FRMPD3: variants seen among roughly 807,000 people sequenced by gnomAD.
FRMPD3 encodes the protein FERM and PDZ domain-containing protein 3.
In FRMPD3, 42 loss-of-function variants were observed where a neutral mutation model predicts 97.9. That is an observed-to-expected ratio of 0.43 (90% CI 0.34 to 0.55). The LOEUF (loss-of-function observed/expected upper bound fraction) is 0.55, where lower values mean the gene tolerates loss of function less well. Among genes scored for constraint, FRMPD3 ranks in the 20% least tolerant of loss-of-function variants. The pLI, the probability that FRMPD3 is intolerant of heterozygous loss-of-function variation, is 0.03. For synonymous variants in FRMPD3, 577 were observed against 581.1 expected (o/e 0.99, Z 0.10); for missense variants, 1,303 against 1,457.7 (o/e 0.89, Z 1.73).
At chrX:107,581,711 A>G (rs942887328) in intron 13 of FRMPD3, among the ~76,000 whole-genome samples, 3 of 111,647 alleles carry the variant, frequency 2.7e-5, no homozygotes, top group Admixed American at 9.6e-5. Context: ...CTTTCAGTCT[A>G]TAGCTTTGCC....
At chrX:107,525,324 A>G (rs1922655439) in intron 1 of FRMPD3, among the ~76,000 whole-genome samples, 1 of 110,511 alleles carries the variant, frequency 9.0e-6, no homozygotes, top group African/African-American at 3.3e-5. Context: ...TCCTCCTTTT[A>G]CCTTCTTCCC....
intron 1 of FRMPD3, among the ~76,000 whole-genome samples, chrX:107,488,151 G>T (rs1921556644): frequency 9.0e-6 from 1 of 111,718 alleles, no homozygotes; most frequent in Non-Finnish European, 1.9e-5. Flanking sequence ...TACCCATGCT[G>T]TCAAGGCAAG....
intron 1 of FRMPD3, among the ~76,000 whole-genome samples, chrX:107,466,989 GGTGTGTGTGTGTGT>G (rs773231357): frequency 7.1e-5 from 7 of 98,159 alleles, no homozygotes; most frequent in Admixed American, 3.2e-4. Context: ...ACAGGTTGGA[GGTGTGTGTGTGTGT>G]GTGTGTGTGT....
rs754571006 is a variant in FRMPD3 at position 107,600,914 on chromosome X, G to A, written c.2875G>A (p.Ala959Thr). The A allele has an allele frequency of 3.2e-5, 39 of 1,207,626 alleles. No individual in the cohort carries two copies. In the Middle Eastern group the frequency reaches 6.9e-4, roughly 21 times the overall value. ...TGTGACCCCTGCCATCATCTCGGCC[G>A]CCCTACAGCAAGTGGTTCACAATAA... ...SSVTPAIISA[A>T]LQQVVHNKSL... Residue 959 changes from alanine (A) to threonine (T), a missense_variant, in exon 15 of 15, where the codon GCC becomes ACC. Ala to Thr is a moderately conservative substitution (Grantham distance 58, BLOSUM62 0). Around this residue, in one of 3 missense-constraint regions of FRMPD3, gnomAD observed 764 missense variants for 820.2 expected, o/e 0.93. Coordinates refer to ENST00000683843, the MANE Select transcript of FRMPD3 (RefSeq NM_001388459.1).
intron 1 of FRMPD3, among the ~76,000 whole-genome samples, chrX:107,482,406 A>G (rs1188058754): frequency 5.4e-5 from 6 of 111,917 alleles, no homozygotes; most frequent in African/African-American, 1.6e-4. Context: ...CTCAGTCTGA[A>G]GCTCCTGATC....
chrX:107,591,601 G>T (rs1311312563), intron 13 of FRMPD3, among the ~76,000 whole-genome samples: 1 of 112,196 alleles, frequency 8.9e-6, no homozygotes, highest in Non-Finnish European at 1.9e-5. Flanking sequence ...AGTAATTTGA[G>T]TCTTCTCTCT....
chrX:107,601,964 C>A lies in FRMPD3; in HGVS notation c.3925C>A (p.Arg1309=). The change falls in exon 15 of 15, where the codon CGG becomes AGG. Residue 1309 remains arginine (R), a synonymous_variant. Coordinates refer to ENST00000683843, the MANE Select transcript of FRMPD3 (RefSeq NM_001388459.1). ...CDCKRICRGG[R]PQATQTPVPS... Reference sequence around the variant, plus strand: ...CTGCAAGCGCATCTGCCGGGGGGGCCGGCCACAAGCCACCCAGACACCAGT... The same window carrying A: ...CTGCAAGCGCATCTGCCGGGGGGGCAGGCCACAAGCCACCCAGACACCAGT... 4 of 1,171,439 alleles carry A rather than the reference C, an allele frequency of 3.4e-6. No homozygotes were observed. The highest frequency in any genetic ancestry group is 4.6e-6 in the Non-Finnish European group (4 of 876,977).
chrX:107,457,731 C>T (rs1381899702), intron 1 of FRMPD3, among the ~76,000 whole-genome samples: 1 of 112,023 alleles, frequency 8.9e-6, no homozygotes, highest in Non-Finnish European at 1.9e-5. Context: ...ATTATTTCGA[C>T]ACCTCAGTAG....
chrX:107,459,884 TACACACACACACAC>T (rs67324661), intron 1 of FRMPD3, among the ~76,000 whole-genome samples: 37 of 89,870 alleles, frequency 4.1e-4, no homozygotes, highest in South Asian at 2.0e-3. Flanking sequence ...CAAGCATACA[TACACACACACACAC>T]ACACACACAC....
At chrX:107,583,998 C>T (rs1414129556) in intron 13 of FRMPD3, among the ~76,000 whole-genome samples, 1 of 108,595 alleles carries the variant, frequency 9.2e-6, no homozygotes, top group Non-Finnish European at 1.9e-5. Context: ...TCCCGAGTAG[C>T]TGCAACTACA....
intron 8 of FRMPD3, among the ~76,000 whole-genome samples, chrX:107,557,932 T>C (rs1922180404): frequency 9.8e-6 from 1 of 102,167 alleles, no homozygotes; most frequent in African/African-American, 3.5e-5. Context: ...AGCTTTATAA[T>C]AATTCTTGAA....
chrX:107,574,474 C>A (rs747461306), intron 12 of FRMPD3, among the ~76,000 whole-genome samples: 1 of 112,156 alleles, frequency 8.9e-6, no homozygotes, highest in South Asian at 3.7e-4. Context: ...TGTGACAGAG[C>A]CCGTATGGCC....
At chrX:107,487,858 C>T (rs1921547558) in intron 1 of FRMPD3, among the ~76,000 whole-genome samples, 1 of 112,073 alleles carries the variant, frequency 8.9e-6, no homozygotes, top group Admixed American at 9.4e-5. Flanking sequence ...TAATCTCACC[C>T]GAATAACCAT....
At chrX:107,498,867 T>A (rs998212622) in intron 1 of FRMPD3, among the ~76,000 whole-genome samples, 2 of 110,517 alleles carry the variant, frequency 1.8e-5, no homozygotes, top group Non-Finnish European at 3.8e-5. Context: ...GCAGGAGGAG[T>A]GCAGAGAATC....
chrX:107,549,985 C>T, intron 5 of FRMPD3, 64 bp from the exon 6 acceptor site: 1 of 713,408 alleles, frequency 1.4e-6, no homozygotes, highest in South Asian at 2.3e-5. Context: ...TCACACCCTT[C>T]CTCTGGCTTC....
At chrX:107,548,143 T>C (rs1019854638) in intron 5 of FRMPD3, among the ~76,000 whole-genome samples, 10 of 112,358 alleles carry the variant, frequency 8.9e-5, no homozygotes, top group African/African-American at 3.2e-4. Flanking sequence ...CTCATCTGGC[T>C]TCTCAAATCA....
chrX:107,494,730 G>T (rs1921735560), intron 1 of FRMPD3, among the ~76,000 whole-genome samples: 1 of 111,813 alleles, frequency 8.9e-6, no homozygotes, highest in Non-Finnish European at 1.9e-5. Context: ...TTGAGGCTCA[G>T]AAAAGTAGAT....
At chrX:107,537,482 C>A (rs372922526) in intron 4 of FRMPD3, among the ~76,000 whole-genome samples, 2 of 111,613 alleles carry the variant, frequency 1.8e-5, no homozygotes, top group East Asian at 5.6e-4. Flanking sequence ...ACACACGGGG[C>A]TAATTGTCAA....
chrX:107,452,546 T>A (rs1186593552), intron 1 of FRMPD3, among the ~76,000 whole-genome samples: 1 of 111,720 alleles, frequency 9.0e-6, no homozygotes, highest in Non-Finnish European at 1.9e-5. Context: ...TTCCCAGATA[T>A]GTGAGGCATT....
Sources: allele counts gnomAD v4.1 joint callset (sites outside exome capture counted in the v4.1 genomes callset), GRCh38; gene constraint gnomAD v4.1.1; regional missense constraint gnomAD v4.1.1; transcripts MANE v1.5; gene names NCBI Gene and HGNC (gene_info 2026-07-23, HGNC 2026-07-21).